The following TMEM132B variants were observed in gnomAD, a reference collection of about 807,000 sequenced individuals.
TMEM132B encodes the protein transmembrane protein 132B.
Under a neutral mutation model 90.8 loss-of-function variants are expected in TMEM132B, and 18 were observed. The observed-to-expected ratio is 0.20, with a 90% CI of 0.14 to 0.29. TMEM132B has a LOEUF of 0.29. Ranked by LOEUF, TMEM132B falls within the 10% of genes least tolerant of loss-of-function variation. The probability of loss-of-function intolerance (pLI) is 1.00; values close to 1 mark genes in which losing one functional copy is unlikely to be tolerated. For missense variants in TMEM132B, 1,096 were observed against 1,326.8 expected (o/e 0.83, Z 2.70); for synonymous variants, 504 against 523.3 (o/e 0.96, Z 0.50).
In TMEM132B at chr12:125,659,839, C is replaced by T. The variant is rs1304170100; in HGVS notation, c.*5129C>T. On this transcript the variant is annotated 3_prime_UTR_variant, in exon 9 of 9. Transcript: ENST00000682704. Reference sequence around the variant, plus strand: ...TGAGGCAGGATTTCCTGCCTCTAAACTATTGGCAGCAAAAGAGCCAAAAAT... The same window carrying T: ...TGAGGCAGGATTTCCTGCCTCTAAATTATTGGCAGCAAAAGAGCCAAAAAT... The T allele has an allele frequency of 6.6e-6, 1 of 152,240 alleles. No homozygotes were observed. Among genetic ancestry groups the T allele is most frequent in the Non-Finnish European group, 1.5e-5 (1 of 68,060 alleles). 9.4% of individuals were successfully genotyped at this position (152,240 alleles called of 1,614,324 possible).
intron 4 of TMEM132B, among the ~76,000 whole-genome samples, chr12:125,582,326 C>G (rs1253018839): frequency 6.6e-6 from 1 of 151,132 alleles, no homozygotes; most frequent in African/African-American, 2.4e-5. Flanking sequence ...TTGACTCCAT[C>G]TCTTACTCTA....
At chr12:125,231,567 G>A (rs779249161) in intron 1 of TMEM132B, among the ~76,000 whole-genome samples, 4 of 152,132 alleles carry the variant, frequency 2.6e-5, no homozygotes, top group Non-Finnish European at 5.9e-5. Context: ...CCATGTCCCA[G>A]TGGATTTTGA....
chr12:125,504,310 G>A (rs1882774596), intron 3 of TMEM132B, among the ~76,000 whole-genome samples: 4 of 152,152 alleles, frequency 2.6e-5, no homozygotes, highest in Non-Finnish European at 5.9e-5. Flanking sequence ...GGTTAATGAG[G>A]TTGAAGATTC....
intron 5 of TMEM132B, among the ~76,000 whole-genome samples, chr12:125,626,522 A>C (rs1359604773): frequency 6.6e-6 from 1 of 152,178 alleles, no homozygotes; most frequent in Admixed American, 6.5e-5. Context: ...TTTTGTCTAA[A>C]AAAATTATTT....
At chr12:125,377,826 A>G (rs1357294181) in intron 2 of TMEM132B, among the ~76,000 whole-genome samples, 2 of 152,114 alleles carry the variant, frequency 1.3e-5, no homozygotes, top group East Asian at 3.9e-4. Context: ...CTTAACAGCT[A>G]TTCATGGAGC....
In TMEM132B at chr12:125,616,776, T is replaced by C. The variant is rs202244170; in HGVS notation, c.1438-27300T>C. On this transcript the variant is annotated intron_variant, in intron 5 of 8. Transcript: ENST00000682704. The stretch of plus-strand genomic sequence containing the variant: ...GCAGCCCTAACGACCAACATGATGG[T>C]TTTTGGAGATGTGGCCTTTGGGAGG... Among the ~76,000 whole-genome samples the C allele has an allele frequency of 4.9e-4, 75 of 152,252 alleles. No individual in the cohort carries two copies. The East Asian group carries it at 6.6e-3, about 13-fold the overall frequency.
intron 2 of TMEM132B, among the ~76,000 whole-genome samples, chr12:125,376,533 G>T (rs1476833437): frequency 2.6e-5 from 4 of 152,206 alleles, no homozygotes; most frequent in Non-Finnish European, 5.9e-5. Context: ...AGCTCCTCCA[G>T]TGGCTAGCTG....
rs970627599 is a variant in TMEM132B, at chr12:125,490,248, A to G, written c.1107-29191A>G. ...ATTCTCATATAACTTGGCAATGTAG[A>G]TGTTATCCTCATTTACAGATGAGGA... On this transcript the variant is annotated intron_variant, in intron 3 of 8. Coordinates refer to ENST00000682704, the MANE Select transcript of TMEM132B (RefSeq NM_001366854.1). The surrounding 1 kb of genome is among the most constrained non-coding windows in gnomAD (Gnocchi z 4.2). 6.6e-6 allele frequency among the ~76,000 whole-genome samples: 1 copy of G among 152,194 alleles called. No homozygotes were observed. Among genetic ancestry groups the G allele is most frequent in the Admixed American group, 6.5e-5 (1 of 15,278 alleles).
chr12:125,270,212 C>T (rs1874803117), intron 1 of TMEM132B, among the ~76,000 whole-genome samples: 1 of 151,610 alleles, frequency 6.6e-6, no homozygotes, highest in African/African-American at 2.4e-5. Flanking sequence ...TCACAGCTCA[C>T]TGCAGCCTCG....
At chr12:125,400,475 T>A (rs1879288024) in intron 2 of TMEM132B, among the ~76,000 whole-genome samples, 1 of 152,244 alleles carries the variant, frequency 6.6e-6, no homozygotes, top group African/African-American at 2.4e-5. Context: ...GCTCCTGTTC[T>A]GACTCAGAGG....
chr12:125,228,352 A>G (rs991634728), intron 1 of TMEM132B, among the ~76,000 whole-genome samples: 8 of 152,140 alleles, frequency 5.3e-5, no homozygotes, highest in African/African-American at 1.9e-4. Flanking sequence ...TAGGCGAGTG[A>G]GGAGGGATTT....
Position 125,551,914 on chromosome 12 carries a change from G to A in TMEM132B, c.1294-31937G>A, listed in dbSNP as rs75258883. On this transcript the variant is annotated intron_variant, in intron 4 of 8. Transcript: ENST00000682704. ...AGGAGGAGGAGAAGCAGAAACACATGTGATCTCTTATGGTCTAGGCTGAGG... is the reference window on the plus strand; with the variant it reads ...AGGAGGAGGAGAAGCAGAAACACATATGATCTCTTATGGTCTAGGCTGAGG... Among the ~76,000 whole-genome samples the A allele has an allele frequency of 6.3e-3, 954 of 152,254 alleles. 10 individuals are homozygous for A. The highest frequency in any genetic ancestry group is 0.022 in the African/African-American group (905 of 41,544).
At chr12:125,338,368 C>T (rs999012025) in intron 1 of TMEM132B, among the ~76,000 whole-genome samples, 1 of 152,186 alleles carries the variant, frequency 6.6e-6, no homozygotes, top group African/African-American at 2.4e-5. Flanking sequence ...CTGTCACCAT[C>T]CCTCTCAGGA....
chr12:125,377,535 A>T (rs988231189), intron 2 of TMEM132B, among the ~76,000 whole-genome samples: 1 of 152,150 alleles, frequency 6.6e-6, no homozygotes, highest in African/African-American at 2.4e-5. Flanking sequence ...GATGTCCCCT[A>T]CTTGAGAGTG....
chr12:125,231,237 G>GTGTA lies in TMEM132B; in HGVS notation c.67+44372_67+44373insGTAT, dbSNP rs1555233006. Among the ~76,000 whole-genome samples the GTGTA allele has an allele frequency of 5.3e-3, 786 of 148,700 alleles. 83 individuals are homozygous for GTGTA. The highest frequency in any genetic ancestry group is 0.017 in the African/African-American group (688 of 39,426). On this transcript the variant is annotated intron_variant, in intron 1 of 8. Transcript: ENST00000682704. ...TGTGTGTGTGTGTGTGTGTGTGTGT[G>GTGTA]TATATCTGTGTCCTGCTCCTCTTCT... is the stretch of plus-strand genomic sequence containing the variant.
intron 5 of TMEM132B, among the ~76,000 whole-genome samples, chr12:125,611,352 A>C (rs1411594835): frequency 6.6e-6 from 1 of 151,990 alleles, no homozygotes; most frequent in African/African-American, 2.4e-5. Flanking sequence ...TTTAAAAAAA[A>C]CAATTTTTGG....
chr12:125,206,078 C>G (rs1381824909), intron 1 of TMEM132B, among the ~76,000 whole-genome samples: 1 of 152,118 alleles, frequency 6.6e-6, no homozygotes, highest in Non-Finnish European at 1.5e-5. Flanking sequence ...GAGGGTGGGA[C>G]TGCCCGACCC....
chr12:125,218,887 A>G (rs1297492437), intron 1 of TMEM132B, among the ~76,000 whole-genome samples: 1 of 151,946 alleles, frequency 6.6e-6, no homozygotes, highest in Non-Finnish European at 1.5e-5. Flanking sequence ...GGAGGGAAAT[A>G]GGGAGCGAGC....
In TMEM132B at chr12:125,251,284, A is replaced by T. The variant is rs1347864804; in HGVS notation, c.67+64418A>T. Among the ~76,000 whole-genome samples, 4 of 152,368 alleles carry T rather than the reference A, an allele frequency of 2.6e-5. No homozygotes were observed. Among genetic ancestry groups the T allele is most frequent in the Admixed American group, 2.6e-4 (4 of 15,306 alleles). On this transcript the variant is annotated intron_variant, in intron 1 of 8. Transcript: ENST00000682704. This position sits in a 1 kb window ranked among gnomAD's most constrained non-coding sequence, Gnocchi z 4.4. ...AACTATCATTAATTTGGGCTGAACCAGCCAGTTTTAAACATTCAATATTAA... is the reference window on the plus strand; with the variant it reads ...AACTATCATTAATTTGGGCTGAACCTGCCAGTTTTAAACATTCAATATTAA...
Sources: gnomAD v4.1 joint callset for allele counts (sites outside exome capture counted in the v4.1 genomes callset) on GRCh38, gnomAD v4.1.1 for gene constraint, Gnocchi (gnomAD v3.1) non-coding constraint, MANE v1.5 for transcripts, NCBI Gene and HGNC (gene_info 2026-07-23, HGNC 2026-07-21) for gene names.